FBXO31: variants seen among roughly 807,000 people sequenced by gnomAD.
FBXO31 encodes F-box protein 31, also known as F-box only protein 31.
FBXO31 carries 24 observed loss-of-function variants against 54.4 expected under a neutral mutation model. That is an observed-to-expected ratio of 0.44 (90% CI 0.32 to 0.62). The LOEUF (loss-of-function observed/expected upper bound fraction) is 0.62, where lower values mean the gene tolerates loss of function less well. FBXO31 is among the 20% of genes least tolerant of loss of function. FBXO31 has a pLI of 0.05. For missense variants in FBXO31, 665 were observed against 787.1 expected, an observed-to-expected ratio of 0.84 and a Z score of 1.86; for synonymous variants, 388 against 335.6, an observed-to-expected ratio of 1.16 and a Z score of -1.71.
Position 87,343,745 on chromosome 16 carries a change from G to T in FBXO31, c.510C>A (p.Ile170=). Residue 170 remains isoleucine (I), a synonymous_variant, in exon 4 of 9, where the codon ATC becomes ATA. Coordinates refer to ENST00000311635, the MANE Select transcript of FBXO31 (RefSeq NM_024735.5). The stretch of plus-strand genomic sequence containing the variant: ...CATGGGGAGGCAGGTACATCCACCC[G>T]ATGATGAACAGGCCGTCCACCTACA... ...LNVVVDGLFI[I]GWMYLPPHDP... The T allele has an allele frequency of 6.2e-7, 1 of 1,614,220 alleles. No individual in the cohort carries two copies. Among genetic ancestry groups the T allele is most frequent in the Non-Finnish European group, 8.5e-7 (1 of 1,180,024 alleles).
rs530603228 is a variant in FBXO31 at position 87,380,535 on chromosome 16, C to T, written c.340+2870G>A. Among the ~76,000 whole-genome samples the T allele has an allele frequency of 4.1e-3, 617 of 152,178 alleles. 1 individual carries two copies. Among genetic ancestry groups the T allele is most frequent in the African/African-American group, 0.014 (578 of 41,538 alleles). On this transcript the variant is annotated intron_variant, in intron 1 of 8. Transcript: ENST00000311635. ...CTCCCACCTCAGCCTTCCACAGGCA[C>T]GCACCACCATGACTGGCTAACTTTT...
intron 1 of FBXO31, among the ~76,000 whole-genome samples, chr16:87,379,371 G>A (rs1567490438): frequency 6.6e-6 from 1 of 152,210 alleles, no homozygotes; most frequent in Non-Finnish European, 1.5e-5. Flanking sequence ...TGAGGCAGAG[G>A]GCATGGGGTA....
At position 87,345,329 on chromosome 16, in the gene FBXO31, C is replaced by A. The variant is rs892336505; in HGVS notation, c.490-1564G>T. ...CTCCAGCAGGAGGGTGCGGGGAGGG[C>A]GGGAGGCAGGGTGGGAGGGAGGGAG... On this transcript the variant is annotated intron_variant, in intron 3 of 8. Coordinates refer to ENST00000311635, the MANE Select transcript of FBXO31 (RefSeq NM_024735.5). This position sits in a 1 kb window ranked among gnomAD's most constrained non-coding sequence, Gnocchi z 4.9. 2.8e-4 allele frequency among the ~76,000 whole-genome samples: 3 copies of A among 10,546 alleles called. No homozygotes were observed. In the East Asian group the frequency reaches 7.3e-3, roughly 26 times the overall value. 6.9% of individuals were successfully genotyped at this position (10,546 alleles called of 152,430 possible).
rs186631105 is a variant in FBXO31 at position 87,336,839 on chromosome 16, G to T, written c.733-575C>A. ...AAAAACTCCGCAGCCCCACCAGTCC[G>T]CCCTGCATTCTGCCATCACATGGTG... On this transcript the variant is annotated intron_variant, in intron 5 of 8. Transcript: ENST00000311635. The surrounding 1 kb of genome is among the most constrained non-coding windows in gnomAD (Gnocchi z 6.5). Among the ~76,000 whole-genome samples the T allele has an allele frequency of 6.6e-6, 1 of 152,194 alleles. No homozygotes were observed. The highest frequency in any genetic ancestry group is 2.4e-5 in the African/African-American group (1 of 41,438).
At chr16:87,384,281 A>G (rs953620550), upstream of FBXO31, 2 of 152,076 alleles carry the variant, frequency 1.3e-5, no homozygotes, top group Admixed American at 1.3e-4. Flanking sequence ...CCTTTTGTCC[A>G]TTGAAACAAC....
At chr16:87,368,968 A>G (rs893579894) in intron 1 of FBXO31, among the ~76,000 whole-genome samples, 2 of 151,886 alleles carry the variant, frequency 1.3e-5, no homozygotes, top group African/African-American at 4.8e-5. Flanking sequence ...CCTGGCCCCA[A>G]TTTTTGTATT....
At chr16:87,368,094 G>A (rs558678894) in intron 1 of FBXO31, 1 of 152,174 alleles carries the variant, frequency 6.6e-6, no homozygotes, top group Non-Finnish European at 1.5e-5. Flanking sequence ...CTAATACCAA[G>A]TAGGAGATGA....
At chr16:87,390,657 G>T (rs1480412626), upstream of FBXO31, among the ~76,000 whole-genome samples, 2 of 152,006 alleles carry the variant, frequency 1.3e-5, no homozygotes, top group Admixed American at 1.3e-4. Context: ...GACCAGGCTG[G>T]TCTCGAACTC....
intron 1 of FBXO31, among the ~76,000 whole-genome samples, chr16:87,373,059 G>A (rs908910181): frequency 7.3e-6 from 1 of 137,520 alleles, no homozygotes; most frequent in East Asian, 2.1e-4. Flanking sequence ...GCCTTGCCAT[G>A]TTGCCCAGGC....
intron 1 of FBXO31, among the ~76,000 whole-genome samples, chr16:87,364,210 G>C (rs904781759): frequency 6.6e-6 from 1 of 152,238 alleles, no homozygotes; most frequent in Non-Finnish European, 1.5e-5. Context: ...GACTCCACCA[G>C]GCCATGGAGC....
chr16:87,384,362 G>A (rs1316593942), upstream of FBXO31, among the ~76,000 whole-genome samples: 1 of 152,208 alleles, frequency 6.6e-6, no homozygotes, highest in Non-Finnish European at 1.5e-5. Flanking sequence ...GGACCTTCGG[G>A]GATCCCGAGC....
intron 1 of FBXO31, among the ~76,000 whole-genome samples, chr16:87,373,983 C>T (rs1906713039): frequency 6.6e-6 from 1 of 152,086 alleles, no homozygotes; most frequent in Non-Finnish European, 1.5e-5. Flanking sequence ...GTGGTTCACA[C>T]CTGTAATGCA....
intron 1 of FBXO31, chr16:87,389,454 G>T (rs530242024): frequency 6.6e-5 from 10 of 152,302 alleles, no homozygotes; most frequent in Middle Eastern, 3.4e-3. Context: ...AAGCTTTATG[G>T]ATGCCCAAGG....
chr16:87,360,267 A>G (rs766382861), intron 2 of FBXO31, 28 bp downstream of exon 2: 1 of 1,601,150 alleles, frequency 6.2e-7, no homozygotes, highest in African/African-American at 1.3e-5. Flanking sequence ...AAAGTTAATC[A>G]TGGATGGTAA....
At position 87,333,942 on chromosome 16, in the gene FBXO31, C is replaced by G. The variant is rs750274234; in HGVS notation, c.1341G>C (p.Val447=). Residue 447 remains valine, a synonymous_variant, in exon 8 of 9, where the codon GTG becomes GTC. Coordinates refer to ENST00000311635, the MANE Select transcript of FBXO31 (RefSeq NM_024735.5). ...TCCTGGAGCTCACGCCCACGGGCAG[C>G]ACGAACGGCTGCCCCTGCCCACACT... is the stretch of plus-strand genomic sequence containing the variant. ...PAQCGQGQPF[V]LPVGVSSRNE... is the part of the protein sequence containing the mutation. 1 of 1,612,310 alleles carries G rather than the reference C, an allele frequency of 6.2e-7. No individual in the cohort carries two copies. The highest frequency in any genetic ancestry group is 1.7e-5 in the Admixed American group (1 of 59,940).
chr16:87,383,952 C>T (rs1907220321), upstream of FBXO31: 1 of 268,132 alleles, frequency 3.7e-6, no homozygotes, highest in Non-Finnish European at 6.8e-6. The surrounding 1 kb of genome is among the most constrained non-coding windows in gnomAD (Gnocchi z 4.9). Context: ...CCCTCCCCTC[C>T]AGCGTGAGGG....
upstream of FBXO31, among the ~76,000 whole-genome samples, chr16:87,384,723 G>T (rs533087672): frequency 6.6e-6 from 1 of 152,232 alleles, no homozygotes; most frequent in Non-Finnish European, 1.5e-5. Context: ...AATACAGCGA[G>T]ACCCTGTCTA....
intron 2 of FBXO31, among the ~76,000 whole-genome samples, chr16:87,357,329 T>C (rs956202946): frequency 8.5e-6 from 1 of 118,236 alleles, no homozygotes; most frequent in Admixed American, 9.0e-5. Context: ...ATTCGGTTCT[T>C]TTTTTTTTTT....
chr16:87,374,258 A>G (rs1906727562), intron 1 of FBXO31, among the ~76,000 whole-genome samples: 1 of 152,198 alleles, frequency 6.6e-6, no homozygotes, highest in African/African-American at 2.4e-5. Context: ...AAAAAAAAAA[A>G]AGAGAGGAAA....
Sources: gnomAD v4.1 joint callset for allele counts (sites outside exome capture counted in the v4.1 genomes callset) on GRCh38, gnomAD v4.1.1 for gene constraint, Gnocchi (gnomAD v3.1) non-coding constraint, MANE v1.5 for transcripts, NCBI Gene and HGNC (gene_info 2026-07-23, HGNC 2026-07-21) for gene names.